Variants in CNOT2 observed in about 807,000 individuals in gnomAD.
CNOT2 encodes the protein CC chemokine receptor 4-negative regulator of transcription 2.
In CNOT2, 7 loss-of-function variants were observed where a neutral mutation model predicts 72.1. That is an observed-to-expected ratio of 0.10 (90% CI 0.06 to 0.18). CNOT2 has a LOEUF of 0.18. Ranked by LOEUF, CNOT2 falls within the 10% of genes least tolerant of loss-of-function variation. The pLI is 1.00. For synonymous variants in CNOT2, 196 were observed against 225.6 expected, an observed-to-expected ratio of 0.87 and a Z score of 1.17; for missense variants, 345 against 660.3, an observed-to-expected ratio of 0.52 and a Z score of 5.23.
intron 2 of CNOT2, among the ~76,000 whole-genome samples, chr12:70,298,293 C>A (rs1873185324): frequency 1.3e-5 from 2 of 152,102 alleles, no homozygotes; most frequent in African/African-American, 4.8e-5. Flanking sequence ...CTCCAATCGG[C>A]TTTTTATTTG....
chr12:70,285,799 C>G (rs1479351898), intron 2 of CNOT2, among the ~76,000 whole-genome samples: 2 of 151,966 alleles, frequency 1.3e-5, no homozygotes, highest in Non-Finnish European at 2.9e-5. Context: ...TCTGATGGAC[C>G]TGAGAGTGGA....
At chr12:70,250,533 G>A (rs752300935) in intron 1 of CNOT2, among the ~76,000 whole-genome samples, 49 of 151,984 alleles carry the variant, frequency 3.2e-4, no homozygotes, top group Admixed American at 6.6e-4. Flanking sequence ...TGGAGGAGGA[G>A]ACAGACAGTA....
chr12:70,268,410 G>A (rs1480716702), intron 1 of CNOT2, among the ~76,000 whole-genome samples: 2 of 152,048 alleles, frequency 1.3e-5, no homozygotes, highest in Non-Finnish European at 1.5e-5. Context: ...TGCCTATGTG[G>A]TGGTTTTTCT....
chr12:70,281,466 T>C (rs898485169), intron 2 of CNOT2, among the ~76,000 whole-genome samples: 1 of 152,184 alleles, frequency 6.6e-6, no homozygotes, highest in Admixed American at 6.6e-5. Context: ...CTTACATCCA[T>C]TTACCTTTCC....
chr12:70,313,335 A>C (rs1876788733), intron 3 of CNOT2, among the ~76,000 whole-genome samples: 1 of 151,886 alleles, frequency 6.6e-6, no homozygotes, highest in Non-Finnish European at 1.5e-5. Flanking sequence ...TTTCACCTTT[A>C]ATTCTTGGTA....
At chr12:70,338,602 T>A in intron 10 of CNOT2, 39 bp downstream of exon 10, 1 of 1,598,530 alleles carries the variant, frequency 6.3e-7, no homozygotes. Context: ...TATTATAGAA[T>A]GCTTTTTTTT....
intron 11 of CNOT2, among the ~76,000 whole-genome samples, chr12:70,339,091 T>C (rs141497407): frequency 0.29 from 40,480 of 138,074 alleles, 6,081 homozygotes; most frequent in Admixed American, 0.44. Context: ...TATATATATA[T>C]ACACACACAC....
chr12:70,320,284 A>G (rs1878074629), intron 4 of CNOT2, among the ~76,000 whole-genome samples: 1 of 151,784 alleles, frequency 6.6e-6, no homozygotes, highest in Non-Finnish European at 1.5e-5. Context: ...CTCTCCCAGT[A>G]TAATGAAAAG....
At chr12:70,243,314 C>G (rs1389973458), upstream of CNOT2, 1 of 152,688 alleles carries the variant, frequency 6.5e-6, no homozygotes, top group African/African-American at 2.4e-5. Context: ...CTACCCACCC[C>G]ATCGCTGCCG....
At chr12:70,291,708 C>T (rs150338181) in intron 2 of CNOT2, among the ~76,000 whole-genome samples, 7 of 152,148 alleles carry the variant, frequency 4.6e-5, no homozygotes, top group Admixed American at 1.3e-4. Flanking sequence ...GAGGCTGAGG[C>T]GGGCAGATCA....
At chr12:70,265,273 T>TC (rs1229244460) in intron 1 of CNOT2, among the ~76,000 whole-genome samples, 1 of 125,382 alleles carries the variant, frequency 8.0e-6, no homozygotes, top group South Asian at 2.7e-4. Flanking sequence ...TTCGTTTTGT[T>TC]TCTTCTCTTC....
intron 3 of CNOT2, among the ~76,000 whole-genome samples, chr12:70,314,489 G>A (rs1184842829): frequency 2.6e-5 from 4 of 152,040 alleles, no homozygotes; most frequent in Admixed American, 6.6e-5. Context: ...GGTTAGCAAT[G>A]AATATTGAAA....
At chr12:70,243,431 G>T (rs1169976833), upstream of CNOT2, 1 of 152,606 alleles carries the variant, frequency 6.6e-6, no homozygotes, top group Non-Finnish European at 1.5e-5. Flanking sequence ...AGCAGCCTCC[G>T]CGGTGGATAC....
chr12:70,301,255 G>A (rs373113582), intron 2 of CNOT2, among the ~76,000 whole-genome samples: 19 of 152,180 alleles, frequency 1.2e-4, no homozygotes, highest in African/African-American at 3.4e-4. Flanking sequence ...TTCCAACACT[G>A]TGTTGAATAG....
At chr12:70,261,505 A>G (rs1958760349) in intron 1 of CNOT2, among the ~76,000 whole-genome samples, 1 of 149,778 alleles carries the variant, frequency 6.7e-6, no homozygotes, top group East Asian at 2.0e-4. Context: ...TTTAGTAGAG[A>G]CGGGGTTTCA....
intron 2 of CNOT2, among the ~76,000 whole-genome samples, chr12:70,279,236 C>T (rs1353003725): frequency 1.3e-5 from 2 of 152,168 alleles, no homozygotes; most frequent in African/African-American, 4.8e-5. Flanking sequence ...ATCTTTTCTT[C>T]CCTCAAATTG....
Position 70,341,022 on chromosome 12 carries a change from G to A in CNOT2, c.1179-1085G>A, listed in dbSNP as rs552202373. 1.5e-3 allele frequency among the ~76,000 whole-genome samples: 225 copies of A among 150,672 alleles called. 2 individuals are homozygous for A. The highest frequency in any genetic ancestry group is 1.5e-3 in the Non-Finnish European group (102 of 67,738). ...GCGATTCTCCTGAGTAGCTGGGATT[G>A]CAGGCATGTGCCACCATGCCCAGCT... is the stretch of plus-strand genomic sequence containing the variant. On this transcript the variant is annotated intron_variant, in intron 11 of 15. Coordinates refer to ENST00000229195, the MANE Select transcript of CNOT2 (RefSeq NM_014515.7).
intron 2 of CNOT2, among the ~76,000 whole-genome samples, chr12:70,291,067 G>T (rs1351717810): frequency 2.0e-5 from 3 of 152,104 alleles, no homozygotes; most frequent in Non-Finnish European, 2.9e-5. Context: ...AATTGTCATA[G>T]TCCTGATTCA....
intron 15 of CNOT2, among the ~76,000 whole-genome samples, chr12:70,352,688 G>T (rs1593304995): frequency 6.6e-6 from 1 of 152,134 alleles, no homozygotes; most frequent in East Asian, 1.9e-4. Context: ...TAATTCAGAT[G>T]GTAGAATTGG....
Sources: gnomAD v4.1 joint callset for allele counts (sites outside exome capture counted in the v4.1 genomes callset) on GRCh38, gnomAD v4.1.1 for gene constraint, MANE v1.5 for transcripts, NCBI Gene and HGNC (gene_info 2026-07-23, HGNC 2026-07-21) for gene names.